PDE4D: variants seen among roughly 807,000 people sequenced by gnomAD.
The protein encoded by PDE4D is phosphodiesterase 4D.
A neutral mutation model predicts 87.4 loss-of-function variants in PDE4D; 24 were observed. The ratio of observed to expected loss-of-function variants is 0.27; its 90% confidence interval spans 0.20 to 0.39. The LOEUF (loss-of-function observed/expected upper bound fraction) is 0.39. Among genes scored for constraint, PDE4D ranks in the 10% least tolerant of loss-of-function variants. The pLI is 1.00. For synonymous variants in PDE4D, 384 were observed against 383.2 expected, an observed-to-expected ratio of 1.00 and a Z score of -0.02; for missense variants, 714 against 1,041.0, an observed-to-expected ratio of 0.69 and a Z score of 4.32.
Position 59,850,300 on chromosome 5 carries a change from G to A in PDE4D, c.455+42868C>T, listed in dbSNP as rs976072831. On this transcript the variant is annotated intron_variant, in intron 1 of 14. Coordinates refer to ENST00000340635, the MANE Select transcript of PDE4D (RefSeq NM_001104631.2). ...CTAGTTGCATAGAGAATAACAAAGAGGGTTACGCCAGAACCTCCAAACTTT... is the reference window on the plus strand; with the variant it reads ...CTAGTTGCATAGAGAATAACAAAGAAGGTTACGCCAGAACCTCCAAACTTT... Among the ~76,000 whole-genome samples, 2 of 152,018 alleles carry A rather than the reference G, an allele frequency of 1.3e-5. 1 individual carries two copies. Among genetic ancestry groups the A allele is most frequent in the African/African-American group, 4.8e-5 (2 of 41,424 alleles).
At chr5:59,867,063 T>G (rs1169670527) in intron 1 of PDE4D, among the ~76,000 whole-genome samples, 1 of 152,126 alleles carries the variant, frequency 6.6e-6, no homozygotes, top group African/African-American at 2.4e-5. Flanking sequence ...AAACTGGAAG[T>G]CAGACTAGAT....
At chr5:59,933,238 C>T (rs2152790607) in intron 3 of PDE4D, among the ~76,000 whole-genome samples, 1 of 152,298 alleles carries the variant, frequency 6.6e-6, no homozygotes, top group Non-Finnish European at 1.5e-5. Context: ...AAGATACTTC[C>T]ATAATTATTG....
At chr5:59,593,139 T>C (rs1035079870) in intron 1 of PDE4D, among the ~76,000 whole-genome samples, 1 of 152,016 alleles carries the variant, frequency 6.6e-6, no homozygotes, top group African/African-American at 2.4e-5. Flanking sequence ...ATGTCAAAAC[T>C]ACCTTCTGAA....
intron 2 of PDE4D, among the ~76,000 whole-genome samples, chr5:59,196,741 A>G (rs1430607302): frequency 1.3e-5 from 2 of 149,300 alleles, no homozygotes; most frequent in Admixed American, 1.3e-4. Context: ...TCCGAAGACA[A>G]AAAACATTTT....
At chr5:59,654,003 C>T (rs967083244) in intron 1 of PDE4D, among the ~76,000 whole-genome samples, 2 of 151,958 alleles carry the variant, frequency 1.3e-5, no homozygotes, top group African/African-American at 2.4e-5. Flanking sequence ...CCCAGGAGTT[C>T]AAGCCCAGCC....
intron 1 of PDE4D, among the ~76,000 whole-genome samples, chr5:59,811,924 T>C (rs1768393485): frequency 6.6e-6 from 1 of 152,216 alleles, no homozygotes; most frequent in African/African-American, 2.4e-5. Context: ...TCTCTACCAG[T>C]TGACTGTGAA....
intron 1 of PDE4D, among the ~76,000 whole-genome samples, chr5:60,314,462 C>G (rs112728299): frequency 6.6e-6 from 1 of 151,896 alleles, no homozygotes; most frequent in Admixed American, 6.6e-5. Flanking sequence ...CCACTGCACC[C>G]GGCGGACAGT....
intron 1 of PDE4D, among the ~76,000 whole-genome samples, chr5:60,311,509 C>A (rs1755038819): frequency 6.6e-6 from 1 of 152,178 alleles, no homozygotes; most frequent in South Asian, 2.1e-4. Context: ...TTCAGGGAAG[C>A]AAATGCTAAG....
chr5:59,029,841 A>T (rs774225237), intron 6 of PDE4D, among the ~76,000 whole-genome samples: 1 of 152,216 alleles, frequency 6.6e-6, no homozygotes, highest in Non-Finnish European at 1.5e-5. Flanking sequence ...AAAAACAAAC[A>T]TCAACCAATG....
intron 1 of PDE4D, among the ~76,000 whole-genome samples, chr5:60,391,272 C>T (rs1762545550): frequency 6.6e-6 from 1 of 152,176 alleles, no homozygotes; most frequent in African/African-American, 2.4e-5. Flanking sequence ...GGCTCCCAGT[C>T]ACACTGTCTG....
intron 13 of PDE4D, among the ~76,000 whole-genome samples, chr5:58,976,122 G>GTGTT (rs914047406): frequency 6.6e-6 from 1 of 152,148 alleles, no homozygotes; most frequent in South Asian, 2.1e-4. Flanking sequence ...GTTCTGTGGG[G>GTGTT]TGTTTGTTTG....
rs7734468 is a variant in PDE4D at position 60,155,146 on chromosome 5, T to C, written c.42+30411A>G. 1.8e-3 allele frequency among the ~76,000 whole-genome samples: 276 copies of C among 152,344 alleles called. 2 individuals are homozygous for C. Among genetic ancestry groups the C allele is most frequent in the African/African-American group, 6.3e-3 (261 of 41,576 alleles). On this transcript the variant is annotated intron_variant, in intron 2 of 16. Transcript: ENST00000502484. The stretch of plus-strand genomic sequence containing the variant: ...ATTACTGGGTCATAGGTTATGCATT[T>C]GTTCAGCTTTAGTAGATACTGCCAA...
At chr5:59,498,879 C>T (rs1410763026) in intron 1 of PDE4D, among the ~76,000 whole-genome samples, 1 of 151,924 alleles carries the variant, frequency 6.6e-6, no homozygotes, top group Non-Finnish European at 1.5e-5. Flanking sequence ...AAAAAACTAA[C>T]AAAAAATTTT....
intron 1 of PDE4D, among the ~76,000 whole-genome samples, chr5:60,459,292 A>G (rs1746735956): frequency 6.6e-6 from 1 of 152,182 alleles, no homozygotes; most frequent in Admixed American, 6.5e-5. Context: ...TAAACATGCC[A>G]AAGGAGAAGC....
intron 1 of PDE4D, among the ~76,000 whole-genome samples, chr5:59,756,509 T>TACACACACACACACACACACACACAC (rs3062590): frequency 1.6e-3 from 232 of 145,018 alleles, no homozygotes; most frequent in Middle Eastern, 3.5e-3. Context: ...ACCCAAAACA[T>TACACACACACACACACACACACACAC]ACACACACAC....
At chr5:59,270,386 A>C (rs1581697132) in intron 1 of PDE4D, among the ~76,000 whole-genome samples, 1 of 152,194 alleles carries the variant, frequency 6.6e-6, no homozygotes, top group East Asian at 1.9e-4. Context: ...CTGATCTTAG[A>C]TGTCATACAA....
chr5:59,322,722 T>C (rs1194260940), intron 1 of PDE4D, among the ~76,000 whole-genome samples: 1 of 152,156 alleles, frequency 6.6e-6, no homozygotes, highest in Non-Finnish European at 1.5e-5. Flanking sequence ...CAAATGATAC[T>C]GCTTTATAAA....
intron 1 of PDE4D, among the ~76,000 whole-genome samples, chr5:59,600,055 A>G (rs914101569): frequency 2.0e-5 from 3 of 152,098 alleles, no homozygotes; most frequent in African/African-American, 4.8e-5. Context: ...TTGTTTTCCA[A>G]TTGCTGCTGA....
At chr5:60,327,364 A>C (rs1037260307) in intron 1 of PDE4D, among the ~76,000 whole-genome samples, 1 of 152,218 alleles carries the variant, frequency 6.6e-6, no homozygotes, top group African/African-American at 2.4e-5. Flanking sequence ...CTCCTTGTCA[A>C]AGAATGTTTC....
Sources: allele counts gnomAD v4.1 joint callset (sites outside exome capture counted in the v4.1 genomes callset), GRCh38; gene constraint gnomAD v4.1.1; transcripts MANE v1.5; gene names NCBI Gene and HGNC (gene_info 2026-07-23, HGNC 2026-07-21).